Variants in TLN2 observed in about 807,000 individuals in gnomAD.
TLN2 encodes the protein talin 2, also known as talin-2.
A neutral mutation model predicts 294.7 loss-of-function variants in TLN2; 118 were observed. The ratio of observed to expected loss-of-function variants is 0.40; its 90% CI spans 0.34 to 0.47. The LOEUF is 0.47. Ranked by LOEUF, TLN2 falls within the 20% of genes least tolerant of loss-of-function variation. The probability of loss-of-function intolerance (pLI) is 0.84; values close to 1 mark genes in which losing one functional copy is unlikely to be tolerated. For missense variants in TLN2, 3,083 were observed against 3,282.2 expected (o/e 0.94, Z 1.48); for synonymous variants, 1,431 against 1,304.5 (o/e 1.10, Z -2.09).
intron 28 of TLN2, among the ~76,000 whole-genome samples, chr15:62,735,669 T>C (rs1394953318): frequency 6.6e-6 from 1 of 152,238 alleles, no homozygotes; most frequent in Admixed American, 6.5e-5. Flanking sequence ...AAAACTGTTT[T>C]TGTAGTATCT....
At chr15:62,721,941 C>T (rs1034089002) in intron 25 of TLN2, among the ~76,000 whole-genome samples, 4 of 152,114 alleles carry the variant, frequency 2.6e-5, no homozygotes, top group African/African-American at 7.2e-5. Context: ...TTGTGAGGTG[C>T]GAGGTCATGT....
At chr15:62,812,465 A>C (rs1428349657) in intron 52 of TLN2, among the ~76,000 whole-genome samples, 1 of 152,132 alleles carries the variant, frequency 6.6e-6, no homozygotes, top group East Asian at 1.9e-4. Context: ...GACACGTACA[A>C]AGGCCTGGAT....
At chr15:62,771,748 G>A (rs1176976390) in intron 42 of TLN2, among the ~76,000 whole-genome samples, 2 of 152,192 alleles carry the variant, frequency 1.3e-5, no homozygotes, top group African/African-American at 4.8e-5. Context: ...TGAGTGGTCT[G>A]ATCTATCTGG....
chr15:62,798,413 G>A lies in TLN2; in HGVS notation c.6234+1011G>A, dbSNP rs577106967. Among the ~76,000 whole-genome samples, 7 of 152,230 alleles carry A rather than the reference G, an allele frequency of 4.6e-5. No homozygotes were observed. In the East Asian group the frequency reaches 5.8e-4, roughly 13 times the overall value. ...GCTCATCTTTGAAACCTGCACATGC[G>A]GCACAGCTCTTGGCACATAGTGGCT... On this transcript the variant is annotated intron_variant, in intron 48 of 58. Transcript: ENST00000636159.
chr15:62,738,572 G>A (rs1374513682), intron 30 of TLN2, among the ~76,000 whole-genome samples: 2 of 152,090 alleles, frequency 1.3e-5, no homozygotes, highest in African/African-American at 2.4e-5. Flanking sequence ...GGATCGTCCC[G>A]GTGAGACAGG....
intron 1 of TLN2, among the ~76,000 whole-genome samples, chr15:62,411,767 A>G (rs1217999720): frequency 1.3e-5 from 2 of 152,166 alleles, no homozygotes; most frequent in Non-Finnish European, 2.9e-5. Flanking sequence ...AGAACTTGGA[A>G]AAGTTTGGGA....
chr15:62,643,405 A>ATTTTTTTTTTTTTT (rs571288380), intron 3 of TLN2, among the ~76,000 whole-genome samples: 3 of 90,740 alleles, frequency 3.3e-5, no homozygotes, highest in Admixed American at 1.2e-4. Flanking sequence ...TGGTTCCAGG[A>ATTTTTTTTTTTTTT]TTTTTTTTTT....
At chr15:62,836,162 C>T in intron 57 of TLN2, 89 bp downstream of exon 57, 2 of 1,509,182 alleles carry the variant, frequency 1.3e-6, no homozygotes, top group Non-Finnish European at 1.8e-6. Flanking sequence ...CTTGGCATGA[C>T]CCACCAGGCC....
intron 1 of TLN2, among the ~76,000 whole-genome samples, chr15:62,469,360 G>T (rs1303362828): frequency 6.6e-6 from 1 of 152,210 alleles, no homozygotes; most frequent in Admixed American, 6.5e-5. Flanking sequence ...GAGTTGATCT[G>T]TCTCAAAAGA....
In TLN2 at chr15:62,475,593, TTTC is replaced by T. The variant is rs2037740784; in HGVS notation, c.-238+84914_-238+84916del. Among the ~76,000 whole-genome samples, 4 of 152,214 alleles carry T rather than the reference TTTC, an allele frequency of 2.6e-5. No individual in the cohort carries two copies. In the South Asian group the frequency reaches 8.3e-4, roughly 32 times the overall value. On this transcript the variant is annotated intron_variant, in intron 1 of 58. Coordinates refer to ENST00000636159, the MANE Select transcript of TLN2 (RefSeq NM_015059.3). ...AAACCTGATGTATGGAACAAGAGCT[TTTC>T]TTCTTGTTCTTATTCTTTATATCTC...
At chr15:62,487,311 T>G (rs975237246) in intron 1 of TLN2, among the ~76,000 whole-genome samples, 5 of 152,214 alleles carry the variant, frequency 3.3e-5, no homozygotes, top group African/African-American at 9.7e-5. Context: ...ATGAGATTCC[T>G]TGTAGACGTG....
chr15:62,610,880 G>A (rs968146074), intron 2 of TLN2, among the ~76,000 whole-genome samples: 21 of 152,310 alleles, frequency 1.4e-4, no homozygotes, highest in African/African-American at 2.4e-4. Context: ...CAGGGCACAC[G>A]CACGGGTGTG....
intron 1 of TLN2, among the ~76,000 whole-genome samples, chr15:62,468,699 T>C (rs867180912): frequency 5.6e-4 from 84 of 149,072 alleles, no homozygotes; most frequent in African/African-American, 2.0e-3. Context: ...GAGCTGAGAT[T>C]GCACCACTGC....
intron 1 of TLN2, among the ~76,000 whole-genome samples, chr15:62,580,472 G>C (rs1192122071): frequency 6.8e-6 from 1 of 146,504 alleles, no homozygotes; most frequent in Non-Finnish European, 1.5e-5. Flanking sequence ...GTACAGTGGC[G>C]AGATCTAGGC....
At chr15:62,732,959 T>G (rs1162091906) in intron 28 of TLN2, among the ~76,000 whole-genome samples, 1 of 152,198 alleles carries the variant, frequency 6.6e-6, no homozygotes, top group East Asian at 1.9e-4. Context: ...ATTAGGCAGC[T>G]AAATCTTTGG....
chr15:62,685,515 A>G (rs183431231), intron 11 of TLN2, among the ~76,000 whole-genome samples: 2 of 152,170 alleles, frequency 1.3e-5, no homozygotes, highest in African/African-American at 4.8e-5. Context: ...AGCTGTGTCA[A>G]AAGTAAGGAC....
At chr15:62,461,428 G>A (rs1187801017) in intron 1 of TLN2, among the ~76,000 whole-genome samples, 6 of 152,274 alleles carry the variant, frequency 3.9e-5, no homozygotes, top group Middle Eastern at 3.4e-3. Flanking sequence ...TCTTCTGTAC[G>A]TAGGTATGTA....
chr15:62,431,740 G>A (rs1198373451), intron 1 of TLN2, among the ~76,000 whole-genome samples: 1 of 152,212 alleles, frequency 6.6e-6, no homozygotes, highest in Non-Finnish European at 1.5e-5. Flanking sequence ...AGGGAAAATG[G>A]CATCAGTCGT....
intron 3 of TLN2, among the ~76,000 whole-genome samples, chr15:62,641,004 G>A (rs1362802320): frequency 6.6e-6 from 1 of 151,842 alleles, no homozygotes; most frequent in African/African-American, 2.4e-5. Flanking sequence ...ATTTCACCAT[G>A]TTGGCCAGGC....
Sources: allele counts gnomAD v4.1 joint callset (sites outside exome capture counted in the v4.1 genomes callset), GRCh38; gene constraint gnomAD v4.1.1; transcripts MANE v1.5; gene names NCBI Gene and HGNC (gene_info 2026-07-23, HGNC 2026-07-21).